Variants in TICAM1 observed in about 807,000 individuals in gnomAD.
The protein encoded by TICAM1 is TIR domain-containing adapter molecule 1.
For synonymous variants in TICAM1, 439 were observed against 415.4 expected (o/e 1.06, Z -0.69); for missense variants, 895 against 938.2 (o/e 0.95, Z 0.60).
chr19:4,816,547 C>T lies in TICAM1; in HGVS notation c.1831G>A (p.Gly611Ser), dbSNP rs748411534. 5.0e-6 allele frequency: 8 copies of T among 1,606,968 alleles called. No homozygotes were observed. The highest frequency in any genetic ancestry group is 5.9e-6 in the Non-Finnish European group (7 of 1,177,322). Residue 611 changes from glycine (G) to serine (S), a missense_variant, in exon 2 of 2, where the codon GGC becomes AGC. Physicochemically the swap from Gly to Ser is moderately conservative, Grantham distance 56 (BLOSUM62 0). Transcript: ENST00000248244. This position sits in a 1 kb window ranked among gnomAD's most constrained non-coding sequence, Gnocchi z 4.3. Reference sequence around the variant, plus strand: ...GGCGGGGCTCCCAGGGGCACCTGGCCCCCAAAGGGCATTCGAGCCCCATAG... The same window carrying T: ...GGCGGGGCTCCCAGGGGCACCTGGCTCCCAAAGGGCATTCGAGCCCCATAG... ...APYGARMPFG[G>S]QVPLGAPPPF... is the part of the protein sequence containing the mutation.
chr19:4,824,082 C>T (rs2146177240), intron 1 of TICAM1, among the ~76,000 whole-genome samples: 1 of 152,116 alleles, frequency 6.6e-6, no homozygotes, highest in South Asian at 2.1e-4. Flanking sequence ...GATCTTAGCT[C>T]ACTGCCACCC....
At chr19:4,823,377 A>G in intron 1 of TICAM1, among the ~76,000 whole-genome samples, 1 of 151,690 alleles carries the variant, frequency 6.6e-6, no homozygotes, top group East Asian at 1.9e-4. Flanking sequence ...AGGCAGGAGA[A>G]TGGCGTGAAC....
chr19:4,816,741 G>T lies in TICAM1; in HGVS notation c.1637C>A (p.Thr546Asn), dbSNP rs756098119. The part of the protein sequence containing the change: ...RKAMWRKEQD[T>N]RALREQSQHL... ...TTGGCTCTGTTCCCGCAGGGCTCGGGTGTCCTGTTCCTTCCTCCACATGGC... is the reference window on the plus strand; with the variant it reads ...TTGGCTCTGTTCCCGCAGGGCTCGGTTGTCCTGTTCCTTCCTCCACATGGC... The change falls in exon 2 of 2, where the codon ACC (threonine) becomes AAC (asparagine). Residue 546 changes from threonine (T) to asparagine (N), a missense_variant. Coordinates refer to ENST00000248244, the MANE Select transcript of TICAM1 (RefSeq NM_182919.4). This position sits in a 1 kb window ranked among gnomAD's most constrained non-coding sequence, Gnocchi z 4.3. The T allele has an allele frequency of 3.1e-6, 5 of 1,613,644 alleles. No homozygotes were observed. The highest frequency in any genetic ancestry group is 2.2e-5 in the East Asian group (1 of 44,874).
intron 1 of TICAM1, among the ~76,000 whole-genome samples, chr19:4,828,763 C>T (rs1037402602): frequency 3.4e-5 from 5 of 147,058 alleles, no homozygotes; most frequent in Admixed American, 6.9e-5. Flanking sequence ...AGTGCAGTGG[C>T]GCGATCTCGG....
rs112096705 is a variant in TICAM1, at chr19:4,816,130, T to C, written c.*109A>G. On this transcript the variant is annotated 3_prime_UTR_variant, in exon 2 of 2. Coordinates refer to ENST00000248244, the MANE Select transcript of TICAM1 (RefSeq NM_182919.4). This position sits in a 1 kb window ranked among gnomAD's most constrained non-coding sequence, Gnocchi z 4.3. ...AATGTCCTGAAAGTGGCAGATGACC[T>C]CATCTTCCACTGTCCACAGGGCACA... The C allele has an allele frequency of 1.9e-4, 257 of 1,342,586 alleles. No individual in the cohort carries two copies. The African/African-American group carries it at 2.1e-3, about 11-fold the overall frequency. 83.2% of individuals were successfully genotyped at this position (1,342,586 alleles called of 1,614,324 possible).
intron 1 of TICAM1, among the ~76,000 whole-genome samples, chr19:4,826,244 TAAATA>T (rs1291499686): frequency 6.6e-6 from 1 of 151,718 alleles, no homozygotes; most frequent in Non-Finnish European, 1.5e-5. Context: ...TATATTGAGT[TAAATA>T]AAATATATTA....
At position 4,816,255 on chromosome 19, in the gene TICAM1, G is replaced by A; in HGVS notation, c.2123C>T (p.Thr708Met). The A allele has an allele frequency of 3.3e-6, 5 of 1,511,186 alleles. No homozygotes were observed. The highest frequency in any genetic ancestry group is 1.3e-5 in the South Asian group (1 of 74,946). The allele number at this position is 1,511,186 out of a possible 1,614,324, so 93.6% of individuals were successfully genotyped here. A position where few individuals can be genotyped will look rare whatever the true frequency, so the allele number is the denominator to read the frequency against. Residue 708 changes from threonine to methionine, a missense_variant, in exon 2 of 2, where the codon ACG becomes ATG. Physicochemically the swap from Thr to Met is moderately conservative, Grantham distance 81 (BLOSUM62 -1). Coordinates refer to ENST00000248244, the MANE Select transcript of TICAM1 (RefSeq NM_182919.4). This position sits in a 1 kb window ranked among gnomAD's most constrained non-coding sequence, Gnocchi z 4.3. The stretch of plus-strand genomic sequence containing the variant: ...GACACGCGGTCATTCTGCCTCCTGC[G>A]TCTTGTCCTCGGGCGCCTGGGACCC... ...QRGSQAPEDKTQEAE is the reference protein window; with the variant it reads ...QRGSQAPEDKMQEAE
chr19:4,830,443 T>C (rs2093612215), intron 1 of TICAM1, among the ~76,000 whole-genome samples: 1 of 152,138 alleles, frequency 6.6e-6, no homozygotes, highest in Admixed American at 6.6e-5. Context: ...TGTCTTGAAC[T>C]CCTGGGCTCA....
At chr19:4,822,913 T>A (rs912596920) in intron 1 of TICAM1, among the ~76,000 whole-genome samples, 1 of 152,212 alleles carries the variant, frequency 6.6e-6, no homozygotes, top group Non-Finnish European at 1.5e-5. Flanking sequence ...CAAAATCATA[T>A]GTTGAAGTGC....
chr19:4,819,260 T>A (rs10402063), intron 1 of TICAM1, among the ~76,000 whole-genome samples: 1 of 150,172 alleles, frequency 6.7e-6, no homozygotes, highest in Non-Finnish European at 1.5e-5. Context: ...GGCAACAGAG[T>A]GAGACCCAGT....
intron 1 of TICAM1, among the ~76,000 whole-genome samples, chr19:4,827,372 CAAA>C (rs57574607): frequency 1.3e-3 from 72 of 54,142 alleles, no homozygotes; most frequent in Non-Finnish European, 1.6e-3. Context: ...ACTCTGTCTC[CAAA>C]AAAAAAAAAA....
intron 1 of TICAM1, among the ~76,000 whole-genome samples, chr19:4,825,398 T>TA (rs1468634665): frequency 1.3e-5 from 2 of 152,130 alleles, no homozygotes; most frequent in Admixed American, 1.3e-4. Flanking sequence ...CCTGGATATG[T>TA]ACCCGTTAAT....
intron 1 of TICAM1, among the ~76,000 whole-genome samples, chr19:4,830,981 GGAA>G (rs985812604): frequency 1.4e-4 from 21 of 152,340 alleles, no homozygotes; most frequent in African/African-American, 3.6e-4. Flanking sequence ...GGGGGAGAAA[GGAA>G]GAAGGTGTGT....
chr19:4,822,466 C>T (rs2093599364), intron 1 of TICAM1, among the ~76,000 whole-genome samples: 1 of 152,196 alleles, frequency 6.6e-6, no homozygotes, highest in Admixed American at 6.6e-5. Context: ...TGGTCTCGAA[C>T]TCCTGACCTT....
intron 1 of TICAM1, among the ~76,000 whole-genome samples, chr19:4,821,930 C>T (rs1412845419): frequency 2.7e-5 from 4 of 149,610 alleles, no homozygotes; most frequent in Non-Finnish European, 5.9e-5. Context: ...AGGCATGAGC[C>T]ACCCCGTCCA....
At chr19:4,829,285 T>C (rs1348869668) in intron 1 of TICAM1, among the ~76,000 whole-genome samples, 1 of 152,152 alleles carries the variant, frequency 6.6e-6, no homozygotes, top group Non-Finnish European at 1.5e-5. Context: ...GGCAGGACCA[T>C]CTCCACCTGA....
In TICAM1 at chr19:4,817,588, G is replaced by T; in HGVS notation, c.790C>A (p.Pro264Thr). Residue 264 changes from proline to threonine, a missense_variant, in exon 2 of 2, where the codon CCA becomes ACA. By Grantham distance (38) the Pro-to-Thr change is conservative. Coordinates refer to ENST00000248244, the MANE Select transcript of TICAM1 (RefSeq NM_182919.4). This position sits in a 1 kb window ranked among gnomAD's most constrained non-coding sequence, Gnocchi z 4.7. Reference protein sequence around the residue: ...SWPPSGEIASPPELPSSPPPG... With the variant: ...SWPPSGEIASTPELPSSPPPG... ...GGTGGGCTGCTTGGCAGCTCTGGTG[G>T]GCTGGCAATCTCCCCCGATGGCGGC... 1 of 1,608,656 alleles carries T rather than the reference G, an allele frequency of 6.2e-7. No individual in the cohort carries two copies.
At position 4,817,766 on chromosome 19, in the gene TICAM1, G is replaced by A. The variant is rs767434262; in HGVS notation, c.612C>T (p.Ala204=). The change falls in exon 2 of 2, where the codon GCC becomes GCT. Residue 204 remains alanine (A), a synonymous_variant. Transcript: ENST00000248244. This position sits in a 1 kb window ranked among gnomAD's most constrained non-coding sequence, Gnocchi z 4.7. ...LRSTGSPASL[A]SNLEISQSPT... is the part of the protein sequence containing the mutation. ...GGGACTGGCTGATTTCCAAGTTGCTGGCCAGGGAGGCAGGGCTGCCAGTGG... is the reference window on the plus strand; with the variant it reads ...GGGACTGGCTGATTTCCAAGTTGCTAGCCAGGGAGGCAGGGCTGCCAGTGG... 6.2e-7 allele frequency: 1 copy of A among 1,602,042 alleles called. No individual in the cohort carries two copies. Among genetic ancestry groups the A allele is most frequent in the South Asian group, 1.1e-5 (1 of 90,328 alleles).
intron 1 of TICAM1, among the ~76,000 whole-genome samples, chr19:4,827,372 CAAAAAAAAAAAAA>C (rs57574607): frequency 5.6e-3 from 304 of 54,172 alleles, no homozygotes; most frequent in Non-Finnish European, 8.9e-3. Context: ...ACTCTGTCTC[CAAAAAAAAAAAAA>C]AAAAAAAAAA....
Sources: allele counts gnomAD v4.1 joint callset (sites outside exome capture counted in the v4.1 genomes callset), GRCh38; gene constraint gnomAD v4.1.1; non-coding constraint Gnocchi (gnomAD v3.1); transcripts MANE v1.5; gene names NCBI Gene and HGNC (gene_info 2026-07-23, HGNC 2026-07-21).